PDXDC1: variants seen among roughly 807,000 people sequenced by gnomAD.
PDXDC1 encodes pyridoxal-dependent decarboxylase domain-containing protein 1.
In PDXDC1, 42 loss-of-function variants were observed where a neutral mutation model predicts 100.1. The ratio of observed to expected loss-of-function variants is 0.42; its 90% CI spans 0.33 to 0.54. PDXDC1 has a LOEUF of 0.54. PDXDC1 is among the 20% of genes least tolerant of loss of function. The pLI, the probability that PDXDC1 is intolerant of heterozygous loss-of-function variation, is 0.10. For missense variants in PDXDC1, 636 were observed against 979.2 expected (o/e 0.65, Z 4.68); for synonymous variants, 260 against 371.7 (o/e 0.70, Z 3.46).
At chr16:14,979,366 T>C (rs1967429930) in intron 1 of PDXDC1, among the ~76,000 whole-genome samples, 1 of 152,288 alleles carries the variant, frequency 6.6e-6, no homozygotes, top group African/African-American at 2.4e-5. Context: ...CTCTGCTCAC[T>C]GCAACCTCTG....
At chr16:15,001,653 T>C (rs1973179803) in intron 3 of PDXDC1, 123 bp from the exon 4 acceptor site, 2 of 701,756 alleles carry the variant, frequency 2.8e-6, no homozygotes, top group Non-Finnish European at 4.7e-6. Flanking sequence ...TTCTTTCTCT[T>C]ATAGTTGCTT....
At chr16:15,039,538 T>C (rs575162113), downstream of PDXDC1, among the ~76,000 whole-genome samples, 20 of 152,216 alleles carry the variant, frequency 1.3e-4, no homozygotes, top group Non-Finnish European at 2.5e-4. Flanking sequence ...ATTAATTTGA[T>C]CATTATTTTG....
intron 1 of PDXDC1, among the ~76,000 whole-genome samples, chr16:14,986,986 A>G (rs1969523161): frequency 6.6e-6 from 1 of 152,286 alleles, no homozygotes. Context: ...ACATTGGGTG[A>G]TCTGCCCTGC....
intron 16 of PDXDC1, among the ~76,000 whole-genome samples, chr16:15,111,688 G>A (rs2047072520): frequency 7.6e-6 from 1 of 132,298 alleles, no homozygotes; most frequent in African/African-American, 2.7e-5. Flanking sequence ...AACCCAAGAG[G>A]CAGAGGTTGC....
chr16:15,009,569 T>C (rs1346078132), intron 7 of PDXDC1, 112 bp from the exon 8 acceptor site: 12 of 1,475,754 alleles, frequency 8.1e-6, no homozygotes, highest in Middle Eastern at 2.0e-4. Flanking sequence ...AGAGTAAGAA[T>C]TGATTTGACA....
At position 15,071,426 on chromosome 16, in the gene PDXDC1, C is replaced by T. The variant is rs573507466; in HGVS notation, c.1399+41370C>T. ...AGAATATCATTAAAAACAAAAGGCACCTCGGGTGTTAAATAATCCAGTGGA... is the reference window on the plus strand; with the variant it reads ...AGAATATCATTAAAAACAAAAGGCATCTCGGGTGTTAAATAATCCAGTGGA... On this transcript the variant is annotated intron_variant, in intron 16 of 16. Transcript: ENST00000535621. Among the ~76,000 whole-genome samples the T allele has an allele frequency of 1.9e-4, 29 of 152,288 alleles. No homozygotes were observed. In the South Asian group the frequency reaches 5.6e-3, roughly 29 times the overall value.
rs553118325 is a variant in PDXDC1 at position 15,129,549 on chromosome 16, TGA to T, written c.1400-9325_1400-9324del. Among the ~76,000 whole-genome samples, 253 of 152,364 alleles carry T rather than the reference TGA, an allele frequency of 1.7e-3. 3 individuals carry two copies. Among genetic ancestry groups the T allele is most frequent in the African/African-American group, 5.0e-3 (209 of 41,582 alleles). The stretch of plus-strand genomic sequence containing the variant: ...CGGGGAGGGTGCTGGCGCCTCCGTC[TGA>T]GAGACGAGCTATGCAGTCAGGATCG... On this transcript the variant is annotated intron_variant, in intron 16 of 16. Coordinates refer to the PDXDC1 transcript ENST00000535621.
At chr16:15,129,693 G>A (rs1445840932) in intron 16 of PDXDC1, among the ~76,000 whole-genome samples, 1 of 152,090 alleles carries the variant, frequency 6.6e-6, no homozygotes, top group Non-Finnish European at 1.5e-5. Context: ...TTCCAGCTAG[G>A]AGCTGTCCTA....
At chr16:14,994,160 A>T (rs1452238722) in intron 1 of PDXDC1, among the ~76,000 whole-genome samples, 2 of 152,258 alleles carry the variant, frequency 1.3e-5, no homozygotes, top group Non-Finnish European at 2.9e-5. Flanking sequence ...CCCATTTGTC[A>T]GTTTTGGCTT....
chr16:15,133,976 G>A lies in PDXDC1; in HGVS notation c.1400-4903G>A, dbSNP rs1166727233. ...TGTATCCCTCGCCGTCCCGCAGCACGCCCCGCCGCAGCACCAGTCACATGC... is the reference window on the plus strand; with the variant it reads ...TGTATCCCTCGCCGTCCCGCAGCACACCCCGCCGCAGCACCAGTCACATGC... On this transcript the variant is annotated intron_variant, in intron 16 of 16. Transcript: ENST00000535621. 2.0e-5 allele frequency: 27 copies of A among 1,320,540 alleles called. No homozygotes were observed. The African/African-American group carries it at 2.3e-4, about 11-fold the overall frequency. The allele number at this position is 1,320,540 out of a possible 1,614,324, so 81.8% of individuals were successfully genotyped here. A position where few individuals can be genotyped will look rare whatever the true frequency, so the allele number is the denominator to read the frequency against.
intron 16 of PDXDC1, among the ~76,000 whole-genome samples, chr16:15,079,528 T>G (rs2045607074): frequency 6.6e-6 from 1 of 152,186 alleles, no homozygotes; most frequent in African/African-American, 2.4e-5. Flanking sequence ...GAAGGAACTG[T>G]CTACAACTCC....
intron 16 of PDXDC1, among the ~76,000 whole-genome samples, chr16:15,099,376 C>T (rs1330620378): frequency 4.9e-5 from 6 of 122,424 alleles, no homozygotes; most frequent in Non-Finnish European, 9.4e-5. Flanking sequence ...GCCAAGATCG[C>T]AACACTGCAC....
chr16:14,988,929 A>C (rs1970043529), intron 1 of PDXDC1: 1 of 1,613,242 alleles, frequency 6.2e-7, no homozygotes, highest in Admixed American at 1.7e-5. Flanking sequence ...CCCCGGCCAC[A>C]GGTTCTCGGC....
chr16:15,022,854 C>T (rs1302437756), intron 13 of PDXDC1, 100 bp downstream of exon 13: 8 of 995,832 alleles, frequency 8.0e-6, no homozygotes, highest in Non-Finnish European at 1.0e-5. Context: ...CTCCACATTT[C>T]AGTGGAATTG....
chr16:14,980,913 T>G (rs1967823633), intron 1 of PDXDC1, among the ~76,000 whole-genome samples: 1 of 152,292 alleles, frequency 6.6e-6, no homozygotes, highest in Non-Finnish European at 1.5e-5. Flanking sequence ...ATTTATAATT[T>G]TTATTAATCG....
intron 16 of PDXDC1, chr16:15,063,066 G>C: frequency 4.0e-6 from 3 of 751,078 alleles, no homozygotes; most frequent in Non-Finnish European, 7.1e-6. Context: ...CTGGTCTCCA[G>C]CAATCCTCTG....
chr16:14,975,147 G>A lies in PDXDC1; in HGVS notation c.-53G>A, dbSNP rs1352045836. On this transcript the variant is annotated 5_prime_UTR_variant, in exon 1 of 23. Transcript: ENST00000396410. ...CAGCGTGGAAGGAGCTGCGGGGCGC[G>A]GGAGGAGGAAGTAGAGCCCGGGACC... 5.5e-6 allele frequency: 8 copies of A among 1,466,682 alleles called. No individual in the cohort carries two copies. The highest frequency in any genetic ancestry group is 2.4e-4 in the Middle Eastern group (1 of 4,114). The allele number at this position is 1,466,682 out of a possible 1,614,324, so 90.9% of individuals were successfully genotyped here. A position where few individuals can be genotyped will look rare whatever the true frequency, so the allele number is the denominator to read the frequency against.
intron 1 of PDXDC1, among the ~76,000 whole-genome samples, chr16:14,991,225 CTA>C (rs1474739388): frequency 6.6e-6 from 1 of 152,034 alleles, no homozygotes; most frequent in East Asian, 1.9e-4. Context: ...GGCTTCTAAA[CTA>C]TTTTGTGTGT....
At chr16:15,135,736 C>T (rs541339606) in intron 16 of PDXDC1, 1 of 1,597,136 alleles carries the variant, frequency 6.3e-7, no homozygotes, top group East Asian at 2.2e-5. Flanking sequence ...CGCTCCCATC[C>T]AGCACCAGGT....
Sources: gnomAD v4.1 joint callset for allele counts (sites outside exome capture counted in the v4.1 genomes callset) on GRCh38, gnomAD v4.1.1 for gene constraint, MANE v1.5 for transcripts, NCBI Gene and HGNC (gene_info 2026-07-23, HGNC 2026-07-21) for gene names.